The following COL1A2 variants were observed in gnomAD, a reference collection of about 807,000 sequenced individuals.
COL1A2 encodes the protein collagen alpha-2(I) chain.
In COL1A2, 49 loss-of-function variants were observed where a neutral mutation model predicts 174.3. The observed-to-expected ratio is 0.28, with a 90% CI of 0.22 to 0.36. COL1A2 has a LOEUF of 0.36. Among genes scored for constraint, COL1A2 ranks in the 10% least tolerant of loss-of-function variants. The pLI, the probability that COL1A2 is intolerant of heterozygous loss-of-function variation, is 1.00. For synonymous variants in COL1A2, 655 were observed against 606.6 expected (o/e 1.08, Z -1.17); for missense variants, 1,438 against 1,822.7 (o/e 0.79, Z 3.84).
At chr7:94,422,801 A>AAG in intron 39 of COL1A2, 156 bp from the exon 40 acceptor site, 1 of 957,394 alleles carries the variant, frequency 1.0e-6, no homozygotes, top group Non-Finnish European at 1.6e-6. Context: ...TTCTGCAAGA[A>AAG]AGAAGGTTAA....
chr7:94,412,946 A>G, intron 25 of COL1A2, 137 bp from the exon 26 acceptor site: 1 of 871,022 alleles, frequency 1.1e-6, no homozygotes, highest in Non-Finnish European at 1.9e-6. Flanking sequence ...GATCATCCTT[A>G]GATAACAGAA....
intron 49 of COL1A2, 115 bp from the exon 50 acceptor site, chr7:94,428,178 G>A (rs777026765): frequency 1.0e-6 from 1 of 973,652 alleles, no homozygotes; most frequent in Non-Finnish European, 1.6e-6. Context: ...CTTAAATATG[G>A]GGTAGACAAT....
Position 94,421,963 on chromosome 7 carries a change from C to G in COL1A2, c.2403+11C>G, listed in dbSNP as rs754417165. On this transcript the variant is annotated intron_variant, in intron 39 of 51. Transcript: ENST00000297268. ...CCCCCAGGACCCTCTGTAAGTAAAT[C>G]ACTGTAAACGTGTCTTCATTTACTC... 8.1e-6 allele frequency: 13 copies of G among 1,613,332 alleles called. No individual in the cohort carries two copies. Among genetic ancestry groups the G allele is most frequent in the Non-Finnish European group, 2.5e-6 (3 of 1,179,412 alleles).
At chr7:94,403,484 AT>A (rs1400965466) in intron 6 of COL1A2, among the ~76,000 whole-genome samples, 4 of 152,228 alleles carry the variant, frequency 2.6e-5, no homozygotes, top group Non-Finnish European at 5.9e-5. Flanking sequence ...ACATGAAAAA[AT>A]AAATATAATT....
rs770754442 is a variant in COL1A2, at chr7:94,395,100, A to G, written c.69A>G (p.Gln23=). The part of the protein sequence containing the change: ...LAVTLCLATC[Q]SLQEETVRKG... ...TAACCTTATGCCTAGCAACATGCCA[A>G]TGTAAGTGCCTTCAGCTTGTTTGGG... The change falls in exon 1 of 52, where the codon CAA becomes CAG. Residue 23 remains glutamine, a splice_region_variant and synonymous_variant. Transcript: ENST00000297268. 16 of 1,613,742 alleles carry G rather than the reference A, an allele frequency of 9.9e-6. No individual in the cohort carries two copies. The highest frequency in any genetic ancestry group is 3.3e-5 in the South Asian group (3 of 91,070).
At chr7:94,421,770 T>A in intron 38 of COL1A2, 129 bp from the exon 39 acceptor site, 1 of 671,912 alleles carries the variant, frequency 1.5e-6, no homozygotes, top group South Asian at 1.8e-5. Flanking sequence ...TATATGAAGC[T>A]GCCTACCTCC....
At chr7:94,396,306 T>C (rs1791581687) in intron 1 of COL1A2, among the ~76,000 whole-genome samples, 1 of 120,912 alleles carries the variant, frequency 8.3e-6, no homozygotes, top group Admixed American at 8.9e-5. Context: ...TCTAATGCAT[T>C]TGTGTGCTTG....
chr7:94,402,955 T>G (rs1377468757), intron 6 of COL1A2, among the ~76,000 whole-genome samples: 1 of 152,150 alleles, frequency 6.6e-6, no homozygotes, highest in African/African-American at 2.4e-5. Flanking sequence ...ATTCCCTAAT[T>G]TTTTCTGGTA....
At position 94,412,262 on chromosome 7, in the gene COL1A2, A is replaced by G. The variant is rs1791943874; in HGVS notation, c.1404+141A>G. 3 of 811,204 alleles carry G rather than the reference A, an allele frequency of 3.7e-6. No individual in the cohort carries two copies. In the African/African-American group the frequency reaches 5.1e-5, roughly 14 times the overall value. The allele number at this position is 811,204 out of a possible 1,614,324, so 50.3% of individuals were successfully genotyped here. ...ATCATCTGGGAATGCAGAGTAATAG[A>G]TTGTAATTATGGAGTCCAAATGAAT... On this transcript the variant is annotated intron_variant, in intron 24 of 51. Coordinates refer to ENST00000297268, the MANE Select transcript of COL1A2 (RefSeq NM_000089.4).
At chr7:94,420,146 T>C (rs1244208159) in intron 34 of COL1A2, 87 bp from the exon 35 acceptor site, 4 of 1,560,252 alleles carry the variant, frequency 2.6e-6, no homozygotes, top group Non-Finnish European at 3.5e-6. Flanking sequence ...ACAGACTCTG[T>C]CTGTCCACCA....
chr7:94,405,949 A>G (rs1011259144), intron 11 of COL1A2, among the ~76,000 whole-genome samples: 1 of 152,212 alleles, frequency 6.6e-6, no homozygotes, highest in Non-Finnish European at 1.5e-5. Context: ...AGAGAAAATT[A>G]TATAGAACAT....
intron 16 of COL1A2, among the ~76,000 whole-genome samples, chr7:94,409,085 A>C (rs1791863366): frequency 6.6e-6 from 1 of 152,184 alleles, no homozygotes; most frequent in Non-Finnish European, 1.5e-5. Flanking sequence ...ACTGACTGAG[A>C]ACCAGAGTCA....
intron 21 of COL1A2, 149 bp downstream of exon 21, chr7:94,410,676 A>G: frequency 1.1e-6 from 1 of 909,294 alleles, no homozygotes; most frequent in South Asian, 1.4e-5. Context: ...GTGACTCTCA[A>G]TTTAATATGT....
In COL1A2 at chr7:94,423,130, C is replaced by A; in HGVS notation, c.2565+12C>A. The A allele has an allele frequency of 6.2e-7, 1 of 1,613,936 alleles. No individual in the cohort carries two copies. On this transcript the variant is annotated intron_variant, in intron 40 of 51. Coordinates refer to ENST00000297268, the MANE Select transcript of COL1A2 (RefSeq NM_000089.4). ...AGGCTGGTACTGCTGTAAGTGATTT[C>A]CAACTCCTCTTTCTTAATACCTTAT...
chr7:94,430,160 A>C, intron 51 of COL1A2, 87 bp from the exon 52 acceptor site: 1 of 1,313,310 alleles, frequency 7.6e-7, no homozygotes, highest in Non-Finnish European at 1.1e-6. Context: ...CATGCCAAAC[A>C]GTGGTTCTTA....
chr7:94,410,802 A>C, intron 21 of COL1A2, 87 bp from the exon 22 acceptor site: 7 of 1,410,860 alleles, frequency 5.0e-6, no homozygotes, highest in Non-Finnish European at 7.0e-6. Context: ...CTCCCCTGTA[A>C]GGAGATCATG....
chr7:94,410,622 T>A, intron 21 of COL1A2, 95 bp downstream of exon 21: 1 of 1,134,806 alleles, frequency 8.8e-7, no homozygotes, highest in Non-Finnish European at 1.3e-6. Flanking sequence ...CTGTGTTTTC[T>A]TAGGCAAAAA....
rs553092122 is a variant in COL1A2 at position 94,417,389 on chromosome 7, T to C, written c.1864-335T>C. ...CTTTCTATCTGGGCTAAGAGACTTA[T>C]CCTTGAAAAATGTTTGTGGGTAAAC... is the stretch of plus-strand genomic sequence containing the variant. On this transcript the variant is annotated intron_variant, in intron 31 of 51. Transcript: ENST00000297268. 1.3e-3 allele frequency: 478 copies of C among 355,970 alleles called. 1 individual carries two copies. The highest frequency in any genetic ancestry group is 2.5e-3 in the South Asian group (102 of 40,798). 22.1% of individuals were successfully genotyped at this position (355,970 alleles called of 1,614,324 possible). A position where few individuals can be genotyped will look rare whatever the true frequency, so the allele number is the denominator to read the frequency against.
At chr7:94,415,080 T>C in intron 29 of COL1A2, 146 bp from the exon 30 acceptor site, 2 of 714,654 alleles carry the variant, frequency 2.8e-6, no homozygotes. Context: ...ATACTAAAAG[T>C]TGTTCTTATT....
Sources: gnomAD v4.1 joint callset for allele counts (sites outside exome capture counted in the v4.1 genomes callset) on GRCh38, gnomAD v4.1.1 for gene constraint, MANE v1.5 for transcripts, NCBI Gene and HGNC (gene_info 2026-07-23, HGNC 2026-07-21) for gene names.